The following CLCN7 variants were observed in gnomAD, a reference collection of about 807,000 sequenced individuals.
The protein encoded by CLCN7 is Cl-/H+ antiporter 7.
A neutral mutation model predicts 102.1 loss-of-function variants in CLCN7; 60 were observed. The observed-to-expected ratio is 0.59, with a 90% CI of 0.48 to 0.73. The LOEUF (loss-of-function observed/expected upper bound fraction) is 0.73, where lower values mean the gene tolerates loss of function less well. Among genes scored for constraint, CLCN7 ranks in the 30% least tolerant of loss-of-function variants. The probability of loss-of-function intolerance (pLI) is 0.00; values close to 1 mark genes in which losing one functional copy is unlikely to be tolerated. For missense variants in CLCN7, 962 were observed against 1,125.7 expected (o/e 0.85, Z 2.08); for synonymous variants, 560 against 490.5 (o/e 1.14, Z -1.87).
chr16:1,453,661 C>T (rs1261346077), intron 14 of CLCN7, among the ~76,000 whole-genome samples, 173 bp downstream of exon 14: 1 of 152,232 alleles, frequency 6.6e-6, no homozygotes, highest in Non-Finnish European at 1.5e-5. Context: ...CTCCAGGCCC[C>T]GGGACACATC....
chr16:1,452,433 G>A (rs1254548898), intron 15 of CLCN7: 2 of 404,038 alleles, frequency 5.0e-6, no homozygotes, highest in Non-Finnish European at 9.2e-6. Flanking sequence ...GTGGACGGAG[G>A]TTTGCATTTC....
chr16:1,447,874 A>G (rs1407222288), intron 21 of CLCN7, among the ~76,000 whole-genome samples, 160 bp from the exon 22 acceptor site: 1 of 152,132 alleles, frequency 6.6e-6, no homozygotes, highest in Non-Finnish European at 1.5e-5. Context: ...TCGCCATGGC[A>G]TCCCACACGC....
chr16:1,451,983 G>A, intron 15 of CLCN7: 1 of 463,266 alleles, frequency 2.2e-6, no homozygotes, highest in Non-Finnish European at 4.1e-6. Flanking sequence ...GGGTGGGTTA[G>A]CAGGACCATG....
In CLCN7 at chr16:1,450,160, C is replaced by T. The variant is rs116788425; in HGVS notation, c.1617+337G>A. On this transcript the variant is annotated intron_variant, in intron 17 of 24. Coordinates refer to ENST00000382745, the MANE Select transcript of CLCN7 (RefSeq NM_001287.6). ...CCGGCCTCACAGAGAGCAGCCCTGG[C>T]CGGACATCCACCCCATGGAGTCTAG... 2.2e-3 allele frequency: 862 copies of T among 389,602 alleles called. 7 individuals carry two copies. Among genetic ancestry groups the T allele is most frequent in the African/African-American group, 0.016 (771 of 48,576 alleles). The allele number at this position is 389,602 out of a possible 1,614,324, so 24.1% of individuals were successfully genotyped here. A position where few individuals can be genotyped will look rare whatever the true frequency, so the allele number is the denominator to read the frequency against.
At chr16:1,473,282 CCTT>C (rs1428356036) in intron 1 of CLCN7, among the ~76,000 whole-genome samples, 1 of 151,650 alleles carries the variant, frequency 6.6e-6, no homozygotes, top group East Asian at 1.9e-4. Flanking sequence ...CAGACTATGA[CCTT>C]CTTTGTCTGG....
At chr16:1,453,730 T>G (rs1174881669) in intron 14 of CLCN7, 104 bp downstream of exon 14, 16 of 1,092,294 alleles carry the variant, frequency 1.5e-5, no homozygotes, top group Non-Finnish European at 2.3e-5. Context: ...AGCCTTTCTT[T>G]CGGCTGTGGC....
At position 1,457,197 on chromosome 16, in the gene CLCN7, G is replaced by T; in HGVS notation, c.822+57C>A. ...TGAGGGAAGCCCATCTCCCTGAGTG[G>T]TGCCCGTGCCCGTGCCCATGGCATC... On this transcript the variant is annotated intron_variant, in intron 9 of 24. Transcript: ENST00000382745. This position sits in a 1 kb window ranked among gnomAD's most constrained non-coding sequence, Gnocchi z 5.4. The T allele has an allele frequency of 6.9e-7, 1 of 1,458,436 alleles. No homozygotes were observed. The highest frequency in any genetic ancestry group is 9.6e-7 in the Non-Finnish European group (1 of 1,038,680). 90.3% of individuals were successfully genotyped at this position (1,458,436 alleles called of 1,614,324 possible). A position where few individuals can be genotyped will look rare whatever the true frequency, so the allele number is the denominator to read the frequency against.
intron 1 of CLCN7, chr16:1,474,415 G>C (rs1378509645): frequency 1.2e-5 from 4 of 338,180 alleles, no homozygotes; most frequent in Non-Finnish European, 2.3e-5. Flanking sequence ...CTCCCAGGGG[G>C]TCAAAAACGC....
In CLCN7 at chr16:1,446,589, C is replaced by T. The variant is rs754924117; in HGVS notation, c.*42G>A. 18 of 1,494,334 alleles carry T rather than the reference C, an allele frequency of 1.2e-5. No individual in the cohort carries two copies. In the South Asian group the frequency reaches 1.3e-4, roughly 11 times the overall value. 92.6% of individuals were successfully genotyped at this position (1,494,334 alleles called of 1,614,324 possible). A position where few individuals can be genotyped will look rare whatever the true frequency, so the allele number is the denominator to read the frequency against. ...ACTCCGGGAGGAAATGCAGAAGGGC[C>T]GGGGTGCCAGCGCCAGTGCCCATTA... On this transcript the variant is annotated 3_prime_UTR_variant, in exon 25 of 25. Coordinates refer to ENST00000382745, the MANE Select transcript of CLCN7 (RefSeq NM_001287.6).
At chr16:1,453,042 T>C in intron 14 of CLCN7, 149 bp from the exon 15 acceptor site, 1 of 1,208,944 alleles carries the variant, frequency 8.3e-7, no homozygotes, top group Non-Finnish European at 1.2e-6. Flanking sequence ...AGTTTTGCTC[T>C]TGTTGCCCAG....
chr16:1,461,069 C>T lies in CLCN7; in HGVS notation c.352-121G>A, dbSNP rs1016208448. On this transcript the variant is annotated intron_variant, in intron 4 of 24. Transcript: ENST00000382745. ...TATGAAGGGCCCAGTGTGCACGGTG[C>T]GCTGAGTCCCACAAAGGACAGTTTC... 43 of 1,288,078 alleles carry T rather than the reference C, an allele frequency of 3.3e-5. No homozygotes were observed. In the Admixed American group the frequency reaches 4.1e-4, roughly 12 times the overall value. The allele number at this position is 1,288,078 out of a possible 1,614,324, so 79.8% of individuals were successfully genotyped here. A position where few individuals can be genotyped will look rare whatever the true frequency, so the allele number is the denominator to read the frequency against.
chr16:1,465,613 G>A (rs2038994652), intron 1 of CLCN7, among the ~76,000 whole-genome samples: 1 of 152,196 alleles, frequency 6.6e-6, no homozygotes, highest in Admixed American at 6.5e-5. Flanking sequence ...TGAAAGCGAG[G>A]CACCTGCCAC....
At chr16:1,450,700 GACTCCC>G in intron 16 of CLCN7, 34 bp from the exon 17 acceptor site, 1 of 1,494,478 alleles carries the variant, frequency 6.7e-7, no homozygotes, top group Non-Finnish European at 9.0e-7. Flanking sequence ...GGGCCTCCAC[GACTCCC>G]GCCTCCGCAG....
chr16:1,460,292 T>TA, intron 6 of CLCN7, 126 bp downstream of exon 6: 1 of 745,170 alleles, frequency 1.3e-6, no homozygotes, highest in Non-Finnish European at 2.4e-6. Flanking sequence ...CACGTGATTC[T>TA]AAAAGTGCCC....
intron 14 of CLCN7, 34 bp from the exon 15 acceptor site, chr16:1,452,927 G>A (rs1304508735): frequency 6.4e-7 from 1 of 1,555,564 alleles, no homozygotes. Flanking sequence ...TGGCAGGCAG[G>A]ACGGCAGCGC....
intron 1 of CLCN7, 144 bp from the exon 2 acceptor site, chr16:1,465,482 G>T: frequency 1.3e-6 from 1 of 750,892 alleles, no homozygotes; most frequent in Non-Finnish European, 2.3e-6. Flanking sequence ...CCTGCTGGGT[G>T]GGGGCAGCAG....
In CLCN7 at chr16:1,447,503, G is replaced by C. The variant is rs200812045; in HGVS notation, c.2139C>G (p.Asp713Glu). ...QRRLRLKDFR[D>E]AYPRFPPIQS... ...GGATGGGTGGGAAGCGCGGGTAGGC[G>C]TCTCGGAAGTCCTTCAGCCTCAGGC... Residue 713 changes from aspartate (D) to glutamate (E), a missense_variant, in exon 23 of 25, where the codon GAC becomes GAG. Around this residue, in one of 2 missense-constraint regions of CLCN7, gnomAD observed 799 missense variants for 988.0 expected, o/e 0.81. Transcript: ENST00000382745. The C allele has an allele frequency of 6.4e-7, 1 of 1,554,260 alleles. No individual in the cohort carries two copies. The highest frequency in any genetic ancestry group is 8.7e-7 in the Non-Finnish European group (1 of 1,149,198).
At position 1,452,937 on chromosome 16, in the gene CLCN7, C is replaced by T. The variant is rs372809046; in HGVS notation, c.1215-44G>A. On this transcript the variant is annotated intron_variant, in intron 14 of 24. Coordinates refer to ENST00000382745, the MANE Select transcript of CLCN7 (RefSeq NM_001287.6). ...CTGCATGGCAGGCAGGACGGCAGCG[C>T]GGCCCCTCCGCAGGCCCCATGGCAA... 7.0e-5 allele frequency: 109 copies of T among 1,552,058 alleles called. No homozygotes were observed. In the African/African-American group the frequency reaches 8.9e-4, roughly 13 times the overall value.
rs1412442421 is a variant in CLCN7 at position 1,455,761 on chromosome 16, G to A, written c.951C>T (p.Ser317=). The change falls in exon 11 of 25, where the codon TCC becomes TCT. Residue 317 remains serine (S), a synonymous_variant. Coordinates refer to ENST00000382745, the MANE Select transcript of CLCN7 (RefSeq NM_001287.6). Reference sequence around the variant, plus strand: ...TCCAGGTCAGGAACTGGTTCCAGAAGGACGCACCCTCCTCCAAGCTGAACA... The same window carrying A: ...TCCAGGTCAGGAACTGGTTCCAGAAAGACGCACCCTCCTCCAAGCTGAACA... The part of the protein sequence containing the change: ...GVLFSLEEGA[S]FWNQFLTWRI... 1.2e-6 allele frequency: 2 copies of A among 1,613,828 alleles called. No homozygotes were observed. Among genetic ancestry groups the A allele is most frequent in the Admixed American group, 1.7e-5 (1 of 60,024 alleles).
Sources: allele counts gnomAD v4.1 joint callset (sites outside exome capture counted in the v4.1 genomes callset), GRCh38; gene constraint gnomAD v4.1.1; regional missense constraint gnomAD v4.1.1; non-coding constraint Gnocchi (gnomAD v3.1); transcripts MANE v1.5; gene names NCBI Gene and HGNC (gene_info 2026-07-23, HGNC 2026-07-21).